The following MS4A10 variants were observed in gnomAD, a reference collection of about 807,000 sequenced individuals.
The protein encoded by MS4A10 is membrane-spanning 4-domains subfamily A member 10.
A neutral mutation model predicts 27.7 loss-of-function variants in MS4A10; 27 were observed. That is an observed-to-expected ratio of 0.98 (90% CI 0.72 to 1.35). MS4A10 has a LOEUF of 1.35. MS4A10 is among the 40% of genes most tolerant of loss of function. MS4A10 has a pLI of 0.00. For synonymous variants in MS4A10, 139 were observed against 131.2 expected, an observed-to-expected ratio of 1.06 and a Z score of -0.41; for missense variants, 338 against 324.7, an observed-to-expected ratio of 1.04 and a Z score of -0.32.
At chr11:60,797,741 C>T (rs1355459164) in intron 6 of MS4A10, among the ~76,000 whole-genome samples, 3 of 152,214 alleles carry the variant, frequency 2.0e-5, no homozygotes, top group Non-Finnish European at 4.4e-5. Context: ...TTCTGGGGGC[C>T]GTGCTTCTCC....
chr11:60,797,838 A>G (rs1854554995), intron 6 of MS4A10, among the ~76,000 whole-genome samples: 1 of 152,178 alleles, frequency 6.6e-6, no homozygotes, highest in Non-Finnish European at 1.5e-5. Flanking sequence ...GAAAAAATGA[A>G]CCTTAGAAGA....
rs528358594 is a variant in MS4A10 at position 60,791,213 on chromosome 11, G to A, written c.303+120G>A. ...GAGAGCTAATAGGAGTGCGGCAGAA[G>A]CGAGGCCCTTTCTCCAGTGTTCCTA... On this transcript the variant is annotated intron_variant, in intron 3 of 7. Transcript: ENST00000308287. The A allele has an allele frequency of 2.3e-6, 3 of 1,317,354 alleles. No homozygotes were observed. The African/African-American group carries it at 4.4e-5, about 19-fold the overall frequency. 81.6% of individuals were successfully genotyped at this position (1,317,354 alleles called of 1,614,324 possible). A position where few individuals can be genotyped will look rare whatever the true frequency, so the allele number is the denominator to read the frequency against.
At position 60,790,675 on chromosome 11, in the gene MS4A10, G is replaced by A. The variant is rs554255995; in HGVS notation, c.183+157G>A. ...GAACTGGAAAAGGCCTTGAAGATTG[G>A]AGAGAATCTGCCCACACCTACTACT... On this transcript the variant is annotated intron_variant, in intron 2 of 7. Transcript: ENST00000308287. Among the ~76,000 whole-genome samples the A allele has an allele frequency of 1.1e-4, 17 of 152,344 alleles. No individual in the cohort carries two copies. In the South Asian group the frequency reaches 3.5e-3, roughly 32 times the overall value.
intron 5 of MS4A10, 107 bp downstream of exon 5, chr11:60,794,210 T>A: frequency 7.4e-7 from 1 of 1,355,040 alleles, no homozygotes; most frequent in Non-Finnish European, 1.0e-6. Flanking sequence ...GGAGCCCAGG[T>A]GTGGGCTGCT....
At chr11:60,798,877 C>T (rs912041710) in intron 7 of MS4A10, among the ~76,000 whole-genome samples, 2 of 152,224 alleles carry the variant, frequency 1.3e-5, no homozygotes, top group African/African-American at 4.8e-5. Context: ...CCTTGCCTGC[C>T]TTCTCTGATC....
intron 1 of MS4A10, among the ~76,000 whole-genome samples, chr11:60,786,172 T>TGCACACACACAC (rs1554971088): frequency 3.8e-5 from 5 of 131,500 alleles, no homozygotes; most frequent in South Asian, 2.4e-4. Flanking sequence ...TGCACACACA[T>TGCACACACACAC]GCACACACAC....
At position 60,792,012 on chromosome 11, in the gene MS4A10, G is replaced by A. The variant is rs533248447; in HGVS notation, c.304-253G>A. On this transcript the variant is annotated intron_variant, in intron 3 of 7. Transcript: ENST00000308287. ...TCTAGGAGGGAGTTCTAAGTGCAGG[G>A]CACAGCTTGGTCCAAGGTGTAGAGA... Among the ~76,000 whole-genome samples the A allele has an allele frequency of 6.6e-5, 10 of 152,350 alleles. No homozygotes were observed. In the East Asian group the frequency reaches 1.9e-3, roughly 29 times the overall value.
intron 6 of MS4A10, 120 bp from the exon 7 acceptor site, chr11:60,798,276 A>G: frequency 2.6e-6 from 2 of 762,242 alleles, no homozygotes; most frequent in Admixed American, 4.3e-5. Context: ...CTCAAGCCTC[A>G]GTTTCCCCAC....
Position 60,785,354 on chromosome 11 carries a change from G to A in MS4A10, c.-90G>A, listed in dbSNP as rs1854318096. On this transcript the variant is annotated 5_prime_UTR_variant, in exon 1 of 8. Transcript: ENST00000308287. ...TGCTGATTTCCCAGCGCTGTCTCTGGGGAGCTCCGGCAGCGCAAGAGGGCA... is the reference window on the plus strand; with the variant it reads ...TGCTGATTTCCCAGCGCTGTCTCTGAGGAGCTCCGGCAGCGCAAGAGGGCA... 6.6e-6 allele frequency: 1 copy of A among 152,258 alleles called. No individual in the cohort carries two copies. Among genetic ancestry groups the A allele is most frequent in the Admixed American group, 6.5e-5 (1 of 15,274 alleles). 9.4% of individuals were successfully genotyped at this position (152,258 alleles called of 1,614,324 possible).
intron 5 of MS4A10, 134 bp downstream of exon 5, chr11:60,794,237 T>C (rs1854484403): frequency 1.0e-6 from 1 of 996,788 alleles, no homozygotes; most frequent in Non-Finnish European, 1.5e-6. Context: ...TTTGCCAACC[T>C]GTTTCTGTCC....
chr11:60,788,384 A>T (rs1383878604), intron 1 of MS4A10, among the ~76,000 whole-genome samples: 1 of 152,202 alleles, frequency 6.6e-6, no homozygotes, highest in Non-Finnish European at 1.5e-5. Flanking sequence ...ATCTCCGTGG[A>T]CAAGCAGTTC....
At chr11:60,788,277 C>T (rs1854372674) in intron 1 of MS4A10, among the ~76,000 whole-genome samples, 1 of 152,280 alleles carries the variant, frequency 6.6e-6, no homozygotes, top group African/African-American at 2.4e-5. Flanking sequence ...ATTCTTGAGT[C>T]CAACTCCCTG....
At chr11:60,792,200 G>T in intron 3 of MS4A10, 65 bp from the exon 4 acceptor site, 3 of 1,249,600 alleles carry the variant, frequency 2.4e-6, no homozygotes, top group Admixed American at 3.4e-5. Flanking sequence ...AGGGGTGGGG[G>T]TGGGAATTTG....
chr11:60,785,714 G>A (rs550100164), intron 1 of MS4A10, among the ~76,000 whole-genome samples: 84 of 152,258 alleles, frequency 5.5e-4, no homozygotes, highest in African/African-American at 2.0e-3. Flanking sequence ...TCTCCCCTGC[G>A]GAGCCCCATC....
chr11:60,794,710 T>C (rs1033670181), intron 5 of MS4A10, among the ~76,000 whole-genome samples: 2 of 152,070 alleles, frequency 1.3e-5, no homozygotes, highest in African/African-American at 4.8e-5. Context: ...AGTCTCACTC[T>C]TGTCACCCAG....
chr11:60,790,912 TG>T, intron 2 of MS4A10, 61 bp from the exon 3 acceptor site: 1 of 1,601,302 alleles, frequency 6.2e-7, no homozygotes. Flanking sequence ...AGGGCACTAG[TG>T]GCCTCAATTA....
intron 1 of MS4A10, 65 bp from the exon 2 acceptor site, chr11:60,790,249 G>A (rs1254291975): frequency 7.2e-7 from 1 of 1,389,486 alleles, no homozygotes; most frequent in Admixed American, 1.8e-5. Context: ...GATTGGCAGA[G>A]GCTCACCCAG....
At chr11:60,796,195 T>TGGA in intron 6 of MS4A10, among the ~76,000 whole-genome samples, 1 of 95,978 alleles carries the variant, frequency 1.0e-5, no homozygotes, top group Non-Finnish European at 2.0e-5. Flanking sequence ...GATGCATCCA[T>TGGA]TGATGGATGG....
chr11:60,793,276 C>T (rs1854462342), intron 4 of MS4A10, among the ~76,000 whole-genome samples: 1 of 152,204 alleles, frequency 6.6e-6, no homozygotes, highest in Non-Finnish European at 1.5e-5. Flanking sequence ...CAGACCTCAC[C>T]CTCCTGGGCT....
Sources: allele counts gnomAD v4.1 joint callset (sites outside exome capture counted in the v4.1 genomes callset), GRCh38; gene constraint gnomAD v4.1.1; transcripts MANE v1.5; gene names NCBI Gene and HGNC (gene_info 2026-07-23, HGNC 2026-07-21).